BCAS3: variants seen among roughly 807,000 people sequenced by gnomAD.
BCAS3 encodes the protein BCAS4/BCAS3 fusion.
In BCAS3, 53 loss-of-function variants were observed where a neutral mutation model predicts 116.1. That is an observed-to-expected ratio of 0.46 (90% CI 0.37 to 0.57). BCAS3 has a LOEUF of 0.57. Among genes scored for constraint, BCAS3 ranks in the 20% least tolerant of loss-of-function variants. The pLI is 0.00. For synonymous variants in BCAS3, 391 were observed against 408.2 expected (o/e 0.96, Z 0.51); for missense variants, 917 against 1,165.4 (o/e 0.79, Z 3.10).
At chr17:61,306,413 G>A (rs770193062) in intron 22 of BCAS3, among the ~76,000 whole-genome samples, 5 of 152,052 alleles carry the variant, frequency 3.3e-5, no homozygotes, top group Non-Finnish European at 7.4e-5. Flanking sequence ...GTTTTTAAAT[G>A]AAAAAACAAT....
chr17:61,380,496 T>C lies in BCAS3; in HGVS notation c.2594-11481T>C, dbSNP rs777076046. On this transcript the variant is annotated intron_variant, in intron 23 of 23. Coordinates refer to ENST00000407086, the MANE Select transcript of BCAS3 (RefSeq NM_017679.5). The surrounding 1 kb of genome is among the most constrained non-coding windows in gnomAD (Gnocchi z 4.2). Reference sequence around the variant, plus strand: ...ATCCGCTTTAAAGGAATATTTTATTTTCAATACAGACACAGCCCTTGACGT... The same window carrying C: ...ATCCGCTTTAAAGGAATATTTTATTCTCAATACAGACACAGCCCTTGACGT... The C allele has an allele frequency of 1.1e-5, 17 of 1,596,112 alleles. No individual in the cohort carries two copies. Among genetic ancestry groups the C allele is most frequent in the Non-Finnish European group, 1.4e-5 (17 of 1,177,952 alleles).
intron 7 of BCAS3, among the ~76,000 whole-genome samples, chr17:60,849,818 A>G (rs1394642807): frequency 1.3e-5 from 2 of 152,152 alleles, no homozygotes; most frequent in Non-Finnish European, 2.9e-5. Flanking sequence ...GTACAGTGGC[A>G]CAATCATAGC....
chr17:60,678,468 CTT>C (rs2032376597), intron 1 of BCAS3, among the ~76,000 whole-genome samples: 5 of 152,094 alleles, frequency 3.3e-5, no homozygotes. Context: ...TGTCAGTCCT[CTT>C]TTAACCTTAA....
chr17:61,266,819 A>G (rs766126232), intron 22 of BCAS3, among the ~76,000 whole-genome samples: 1 of 152,166 alleles, frequency 6.6e-6, no homozygotes, highest in East Asian at 1.9e-4. Flanking sequence ...CCCTTTTTCC[A>G]TAGTTGCAAA....
chr17:61,273,199 C>G (rs907163290), intron 22 of BCAS3, among the ~76,000 whole-genome samples: 1 of 151,666 alleles, frequency 6.6e-6, no homozygotes, highest in Non-Finnish European at 1.5e-5. Context: ...GCCTCAACCT[C>G]CCGAGCTCAA....
chr17:60,686,861 A>G (rs1450265397), intron 3 of BCAS3, among the ~76,000 whole-genome samples: 1 of 152,168 alleles, frequency 6.6e-6, no homozygotes, highest in Non-Finnish European at 1.5e-5. Flanking sequence ...AACAAAGAAA[A>G]AGTTGAAGCT....
chr17:61,125,550 A>T (rs1363212127), intron 22 of BCAS3, among the ~76,000 whole-genome samples: 1 of 152,184 alleles, frequency 6.6e-6, no homozygotes, highest in Non-Finnish European at 1.5e-5. Flanking sequence ...AATTTTTATC[A>T]ATATAATTTT....
chr17:61,332,405 GC>G lies in BCAS3; in HGVS notation c.2426-35918del, dbSNP rs1019073029. 1.3e-5 allele frequency among the ~76,000 whole-genome samples: 2 copies of G among 152,054 alleles called. No individual in the cohort carries two copies. Among genetic ancestry groups the G allele is most frequent in the African/African-American group, 2.4e-5 (1 of 41,416 alleles). ...GAGGTCAGCTTCCTTCACCATGGGA[GC>G]CCCTGCTTGCCATGTTTGTGAGGGG... On this transcript the variant is annotated intron_variant, in intron 22 of 23. Coordinates refer to ENST00000407086, the MANE Select transcript of BCAS3 (RefSeq NM_017679.5). The surrounding 1 kb of genome is among the most constrained non-coding windows in gnomAD (Gnocchi z 5.4).
intron 12 of BCAS3, among the ~76,000 whole-genome samples, chr17:60,921,297 C>T (rs6504006): frequency 0.28 from 42,979 of 151,948 alleles, 11,632 homozygotes; most frequent in African/African-American, 0.72. Context: ...TTAAGCAAAT[C>T]AATGGAGAAA....
At chr17:60,726,588 C>T (rs140197628) in intron 5 of BCAS3, among the ~76,000 whole-genome samples, 157 of 151,306 alleles carry the variant, frequency 1.0e-3, no homozygotes, top group Admixed American at 2.7e-3. Context: ...CAGCTCACTG[C>T]AAGCTCCGCC....
intron 22 of BCAS3, among the ~76,000 whole-genome samples, chr17:61,273,353 T>C (rs2050477036): frequency 6.6e-6 from 1 of 152,102 alleles, no homozygotes; most frequent in Admixed American, 6.6e-5. Context: ...GATATTTTGC[T>C]GAATATAATG....
intron 17 of BCAS3, among the ~76,000 whole-genome samples, chr17:61,035,350 C>T (rs2066933126): frequency 6.6e-6 from 1 of 152,012 alleles, no homozygotes; most frequent in African/African-American, 2.4e-5. Flanking sequence ...CTTTAGGAGG[C>T]AGAGGTGGGC....
At position 61,051,161 on chromosome 17, in the gene BCAS3, G is replaced by A. The variant is rs762026043; in HGVS notation, c.2029+10269G>A. ...ATTGAGCTATTAATACTTGGGACAC[G>A]TTTGATGACCCTCAAGAAAATTAAA... On this transcript the variant is annotated intron_variant, in intron 19 of 23. Coordinates refer to ENST00000407086, the MANE Select transcript of BCAS3 (RefSeq NM_017679.5). The surrounding 1 kb of genome is among the most constrained non-coding windows in gnomAD (Gnocchi z 4.1). Among the ~76,000 whole-genome samples the A allele has an allele frequency of 8.6e-5, 13 of 151,816 alleles. No homozygotes were observed. Among genetic ancestry groups the A allele is most frequent in the Admixed American group, 5.2e-4 (8 of 15,248 alleles).
chr17:61,138,411 G>T (rs2076758333), intron 22 of BCAS3, among the ~76,000 whole-genome samples: 1 of 152,186 alleles, frequency 6.6e-6, no homozygotes, highest in Non-Finnish European at 1.5e-5. Context: ...GGAACTCCTA[G>T]TTATACAGTG....
rs2054115772 is a variant in BCAS3, at chr17:61,309,369, G to A, written c.2426-58958G>A. On this transcript the variant is annotated intron_variant, in intron 22 of 23. Transcript: ENST00000407086. This position sits in a 1 kb window ranked among gnomAD's most constrained non-coding sequence, Gnocchi z 4.6. ...TTTGACGGAACTGGTATGGGCAGAT[G>A]AGCATGCCTGAGTACTGAACACTAC... is the stretch of plus-strand genomic sequence containing the variant. 6.6e-6 allele frequency among the ~76,000 whole-genome samples: 1 copy of A among 152,122 alleles called. No homozygotes were observed. Among genetic ancestry groups the A allele is most frequent in the Admixed American group, 6.5e-5 (1 of 15,272 alleles).
chr17:60,849,611 C>G (rs944511743), intron 7 of BCAS3, among the ~76,000 whole-genome samples: 2 of 152,142 alleles, frequency 1.3e-5, no homozygotes, highest in African/African-American at 4.8e-5. Context: ...ACTTGTAGCT[C>G]AGGTTCAACA....
rs554219357 is a variant in BCAS3, at chr17:61,335,324, G to A, written c.2426-33003G>A. 4.6e-5 allele frequency among the ~76,000 whole-genome samples: 7 copies of A among 152,316 alleles called. No individual in the cohort carries two copies. The South Asian group carries it at 1.4e-3, about 32-fold the overall frequency. On this transcript the variant is annotated intron_variant, in intron 22 of 23. Transcript: ENST00000407086. ...AGGGCACACTCGCAATGTGTCTATAGTCAAGGTCCCTAATGTTGCAGGAGC... is the reference window on the plus strand; with the variant it reads ...AGGGCACACTCGCAATGTGTCTATAATCAAGGTCCCTAATGTTGCAGGAGC...
chr17:61,329,048 C>T (rs1300716377), intron 22 of BCAS3, among the ~76,000 whole-genome samples: 1 of 151,918 alleles, frequency 6.6e-6, no homozygotes, highest in African/African-American at 2.4e-5. Context: ...GTGCCCACCA[C>T]CACGCCCGGC....
At position 61,348,819 on chromosome 17, in the gene BCAS3, A is replaced by C. The variant is rs569037738; in HGVS notation, c.2426-19508A>C. Among the ~76,000 whole-genome samples the C allele has an allele frequency of 1.3e-3, 191 of 145,434 alleles. No individual in the cohort carries two copies. Among genetic ancestry groups the C allele is most frequent in the Non-Finnish European group, 2.3e-3 (154 of 66,976 alleles). On this transcript the variant is annotated intron_variant, in intron 22 of 23. Coordinates refer to ENST00000407086, the MANE Select transcript of BCAS3 (RefSeq NM_017679.5). This position sits in a 1 kb window ranked among gnomAD's most constrained non-coding sequence, Gnocchi z 4.5. ...CGAGGCTGGAGTGCAGTGGCATGAT[A>C]CCGGCTCACTGCAAGCTCCGCCTCC...
Sources: allele counts gnomAD v4.1 joint callset (sites outside exome capture counted in the v4.1 genomes callset), GRCh38; gene constraint gnomAD v4.1.1; non-coding constraint Gnocchi (gnomAD v3.1); transcripts MANE v1.5; gene names NCBI Gene and HGNC (gene_info 2026-07-23, HGNC 2026-07-21).